The following PPL variants were observed in gnomAD, a reference collection of about 807,000 sequenced individuals.
The protein encoded by PPL is 190 kDa paraneoplastic pemphigus antigen.
Under a neutral mutation model 194.4 loss-of-function variants are expected in PPL, and 198 were observed. The observed-to-expected ratio is 1.02, with a 90% confidence interval of 0.91 to 1.15. The LOEUF is 1.15. Ranked by LOEUF, PPL falls within the 50% of genes most tolerant of loss-of-function variation. The probability of loss-of-function intolerance (pLI) is 0.00; values close to 1 mark genes in which losing one functional copy is unlikely to be tolerated. For synonymous variants in PPL, 1,220 were observed against 972.4 expected, an observed-to-expected ratio of 1.25 and a Z score of -4.74; for missense variants, 2,885 against 2,294.8, an observed-to-expected ratio of 1.26 and a Z score of -5.25.
intron 1 of PPL, among the ~76,000 whole-genome samples, chr16:4,929,686 G>A (rs1410658481): frequency 6.6e-6 from 1 of 152,080 alleles, no homozygotes; most frequent in Non-Finnish European, 1.5e-5. Flanking sequence ...TCCTAAGCCT[G>A]TTTTATTTTA....
chr16:4,918,960 CT>C (rs2088982361), intron 1 of PPL, among the ~76,000 whole-genome samples: 1 of 152,202 alleles, frequency 6.6e-6, no homozygotes, highest in Admixed American at 6.5e-5. Context: ...CGTGGCACCC[CT>C]GGGCCATCAG....
At position 4,883,715 on chromosome 16, in the gene PPL, C is replaced by T. The variant is rs758655130; in HGVS notation, c.4940G>A (p.Arg1647Gln). Residue 1647 changes from arginine (R) to glutamine (Q), a missense_variant, in exon 22 of 22, where the codon CGG becomes CAG. By Grantham distance (43) the Arg-to-Gln change is conservative. Coordinates refer to ENST00000345988, the MANE Select transcript of PPL (RefSeq NM_002705.5). This position sits in a 1 kb window ranked among gnomAD's most constrained non-coding sequence, Gnocchi z 4.8. Reference protein sequence around the residue: ...QKRLGSVAVKREQRENHLRRS... With the variant: ...QKRLGSVAVKQEQRENHLRRS... ...CCGCAGGTGGTTCTCCCGCTGCTCC[C>T]GCTTGACGGCCACGGAGCCCAGGCG... is the stretch of plus-strand genomic sequence containing the variant. The T allele has an allele frequency of 3.1e-6, 5 of 1,613,850 alleles. No individual in the cohort carries two copies. The highest frequency in any genetic ancestry group is 2.2e-5 in the East Asian group (1 of 44,884).
chr16:4,918,816 A>G (rs899604123), intron 1 of PPL, among the ~76,000 whole-genome samples: 1 of 152,116 alleles, frequency 6.6e-6, no homozygotes, highest in Non-Finnish European at 1.5e-5. Flanking sequence ...ATGGAGCCCC[A>G]TGCTAGGAAG....
rs2088810485 is a variant in PPL at position 4,911,038 on chromosome 16, G to A, written c.63-89C>T. On this transcript the variant is annotated intron_variant, in intron 1 of 21. Coordinates refer to ENST00000345988, the MANE Select transcript of PPL (RefSeq NM_002705.5). ...AGCACCCCATCCTCTGGCTGGCCCC[G>A]GCCCCACGCTCTGAGCAGGAGCTGC... 1.0e-5 allele frequency: 11 copies of A among 1,070,960 alleles called. No individual in the cohort carries two copies. In the Admixed American group the frequency reaches 1.4e-4, roughly 13 times the overall value. The allele number at this position is 1,070,960 out of a possible 1,614,324, so 66.3% of individuals were successfully genotyped here. A position where few individuals can be genotyped will look rare whatever the true frequency, so the allele number is the denominator to read the frequency against.
At chr16:4,887,971 C>T in intron 20 of PPL, 131 bp downstream of exon 20, 1 of 682,328 alleles carries the variant, frequency 1.5e-6, no homozygotes, top group Non-Finnish European at 2.6e-6. Context: ...TGTTTGCATG[C>T]AGGAGGGCTC....
In PPL at chr16:4,910,873, C is replaced by A; in HGVS notation, c.139G>T (p.Asp47Tyr). 6.2e-7 allele frequency: 1 copy of A among 1,614,024 alleles called. No homozygotes were observed. The highest frequency in any genetic ancestry group is 8.5e-7 in the Non-Finnish European group (1 of 1,180,026). Reference sequence around the variant, plus strand: ...ACACTCTGCATCTTGGCCTCTGTGTCCACGATGTTCTTCTCCACCTGGTCG... The same window carrying A: ...ACACTCTGCATCTTGGCCTCTGTGTACACGATGTTCTTCTCCACCTGGTCG... ...NADQVEKNIV[D>Y]TEAKMQSDLA... The change falls in exon 2 of 22, where the codon GAC (aspartate) becomes TAC (tyrosine). Residue 47 changes from aspartate to tyrosine, a missense_variant. Physicochemically the swap from Asp to Tyr is radical, Grantham distance 160 (BLOSUM62 -3). Coordinates refer to ENST00000345988, the MANE Select transcript of PPL (RefSeq NM_002705.5).
intron 1 of PPL, among the ~76,000 whole-genome samples, chr16:4,930,258 G>C (rs1348781288): frequency 6.6e-6 from 1 of 152,078 alleles, no homozygotes; most frequent in Non-Finnish European, 1.5e-5. Flanking sequence ...GCTGGGTCAG[G>C]GCCCTCCTTT....
chr16:4,896,819 G>A (rs749108866), intron 9 of PPL, among the ~76,000 whole-genome samples: 1 of 151,762 alleles, frequency 6.6e-6, no homozygotes, highest in East Asian at 2.0e-4. Flanking sequence ...TATTTTAGTA[G>A]AGATGGGGTT....
At chr16:4,893,018 T>G (rs12921187) in intron 14 of PPL, 195 bp downstream of exon 14, 322,068 of 618,968 alleles carry the variant, frequency 0.52, 90,193 homozygotes, top group East Asian at 0.66. Flanking sequence ...CTGCCAGCTC[T>G]TTCTCCTGGG....
intron 2 of PPL, among the ~76,000 whole-genome samples, chr16:4,910,167 T>C (rs1427516140): frequency 2.0e-5 from 3 of 152,178 alleles, no homozygotes; most frequent in Non-Finnish European, 4.4e-5. Flanking sequence ...ATCCCCATGT[T>C]ACAGAAAGGG....
Position 4,888,132 on chromosome 16 carries a change from G to A in PPL, c.2484C>T (p.Leu828=), listed in dbSNP as rs2088247953. The A allele has an allele frequency of 6.2e-7, 1 of 1,613,886 alleles. No homozygotes were observed. Among genetic ancestry groups the A allele is most frequent in the Non-Finnish European group, 8.5e-7 (1 of 1,179,760 alleles). The change falls in exon 20 of 22, where the codon CTC becomes CTT. Residue 828 remains leucine, a synonymous_variant. Coordinates refer to ENST00000345988, the MANE Select transcript of PPL (RefSeq NM_002705.5). ...RRSHVSKRAR[L]QSPATKVKEE... is the part of the protein sequence containing the mutation. ...CCTTCACTTTGGTGGCAGGAGATTG[G>A]AGCCTGGCTCTCTTGCTCACGTGGC...
chr16:4,904,881 C>A, intron 2 of PPL, among the ~76,000 whole-genome samples: 1 of 152,088 alleles, frequency 6.6e-6, no homozygotes, highest in South Asian at 2.1e-4. Context: ...GGAACAGAGC[C>A]GGGGGGATAT....
chr16:4,883,328 C>G lies in PPL; in HGVS notation c.*56G>C, dbSNP rs956205444. The G allele has an allele frequency of 6.9e-6, 11 of 1,605,080 alleles. No individual in the cohort carries two copies. Among genetic ancestry groups the G allele is most frequent in the Non-Finnish European group, 9.3e-6 (11 of 1,178,508 alleles). ...GGAGAGGACGACACCAAGGAGGTCA[C>G]TGCGTCGTAGGAGAGGGCCAGCGTC... On this transcript the variant is annotated 3_prime_UTR_variant, in exon 22 of 22. Transcript: ENST00000345988. This position sits in a 1 kb window ranked among gnomAD's most constrained non-coding sequence, Gnocchi z 4.8.
chr16:4,930,432 C>A (rs755615230), intron 1 of PPL, among the ~76,000 whole-genome samples: 6 of 152,344 alleles, frequency 3.9e-5, no homozygotes, highest in Non-Finnish European at 8.8e-5. Flanking sequence ...TCATCCCCAC[C>A]TCCGGGCTCT....
chr16:4,897,889 G>A, intron 8 of PPL, 119 bp from the exon 9 acceptor site: 2 of 771,506 alleles, frequency 2.6e-6, no homozygotes, highest in Non-Finnish European at 4.3e-6. Flanking sequence ...CATCTGTCTG[G>A]GTGTGGCTAC....
chr16:4,923,240 T>A (rs532442992), intron 1 of PPL, among the ~76,000 whole-genome samples: 3 of 152,320 alleles, frequency 2.0e-5, no homozygotes, highest in South Asian at 4.1e-4. Flanking sequence ...CTGCGCATCC[T>A]CCTCCATCTG....
chr16:4,932,271 C>A (rs1009400999), intron 1 of PPL, among the ~76,000 whole-genome samples: 1 of 150,672 alleles, frequency 6.6e-6, no homozygotes, highest in African/African-American at 2.4e-5. Context: ...AATGGCGGGG[C>A]GGCTCTCTCT....
chr16:4,933,934 CT>C (rs1269779432), intron 1 of PPL, among the ~76,000 whole-genome samples: 1 of 152,240 alleles, frequency 6.6e-6, no homozygotes, highest in Non-Finnish European at 1.5e-5. Flanking sequence ...CCTGCGGCCG[CT>C]TATCATTCAC....
intron 18 of PPL, among the ~76,000 whole-genome samples, 180 bp from the exon 19 acceptor site, chr16:4,889,241 G>GGTTTT (rs1442783436): frequency 0.019 from 1,292 of 66,660 alleles, 183 homozygotes; most frequent in South Asian, 0.094. Context: ...TGTTGTTGTT[G>GGTTTT]TTTTTTTTTT....
Sources: allele counts gnomAD v4.1 joint callset (sites outside exome capture counted in the v4.1 genomes callset), GRCh38; gene constraint gnomAD v4.1.1; non-coding constraint Gnocchi (gnomAD v3.1); transcripts MANE v1.5; gene names NCBI Gene and HGNC (gene_info 2026-07-23, HGNC 2026-07-21).